RIPOR2: variants seen among roughly 807,000 people sequenced by gnomAD.
RIPOR2 encodes the protein RHO family interacting cell polarization regulator 2.
In RIPOR2, 39 loss-of-function variants were observed where a neutral mutation model predicts 114.5. The observed-to-expected ratio is 0.34, with a 90% CI of 0.26 to 0.44. RIPOR2 has a LOEUF of 0.44. RIPOR2 is among the 20% of genes least tolerant of loss of function. RIPOR2 has a pLI of 1.00. For missense variants in RIPOR2, 1,007 were observed against 1,255.1 expected (o/e 0.80, Z 2.99); for synonymous variants, 445 against 484.4 (o/e 0.92, Z 1.07).
chr6:24,911,674 A>G (rs1345379376), intron 1 of RIPOR2, among the ~76,000 whole-genome samples: 1 of 152,122 alleles, frequency 6.6e-6, no homozygotes, highest in East Asian at 1.9e-4. Context: ...CCTGTGGGGA[A>G]AGCATGGGTC....
At chr6:24,968,091 A>G (rs1405363376) in intron 1 of RIPOR2, among the ~76,000 whole-genome samples, 1 of 151,854 alleles carries the variant, frequency 6.6e-6, no homozygotes, top group Non-Finnish European at 1.5e-5. Flanking sequence ...TTTTTAATAG[A>G]GATGGGGTGT....
At chr6:24,932,875 C>A (rs899476245) in intron 1 of RIPOR2, among the ~76,000 whole-genome samples, 1 of 152,054 alleles carries the variant, frequency 6.6e-6, no homozygotes, top group Non-Finnish European at 1.5e-5. Context: ...TGAAAGTATG[C>A]GTGAATCCTA....
chr6:24,970,125 C>T (rs1482268949), intron 1 of RIPOR2, among the ~76,000 whole-genome samples: 4 of 148,766 alleles, frequency 2.7e-5, no homozygotes, highest in Admixed American at 2.0e-4. Flanking sequence ...CAGGGCTGAG[C>T]ACCTCATGGA....
chr6:24,936,014 C>T (rs1343127378), upstream of RIPOR2: 3 of 694,046 alleles, frequency 4.3e-6, no homozygotes, highest in Non-Finnish European at 7.5e-6. Context: ...TGGAGGGCAG[C>T]TTCCGCATCT....
At chr6:25,025,887 G>A (rs1776591208) in intron 1 of RIPOR2, among the ~76,000 whole-genome samples, 2 of 152,202 alleles carry the variant, frequency 1.3e-5, no homozygotes, top group African/African-American at 4.8e-5. Flanking sequence ...TTATGGGCTT[G>A]ACTGGAAGAC....
chr6:24,848,377 C>G (rs1251090506), intron 11 of RIPOR2, among the ~76,000 whole-genome samples: 2 of 152,176 alleles, frequency 1.3e-5, no homozygotes, highest in African/African-American at 4.8e-5. Context: ...AGAATATTAT[C>G]ACAGCTCTAA....
chr6:24,993,391 A>G (rs943886253), intron 1 of RIPOR2, among the ~76,000 whole-genome samples: 2 of 152,184 alleles, frequency 1.3e-5, no homozygotes, highest in African/African-American at 4.8e-5. Context: ...GTCTGAAATT[A>G]GGGTTGCAAT....
At chr6:24,836,809 T>TAC (rs10623077) in intron 14 of RIPOR2, among the ~76,000 whole-genome samples, 21,431 of 150,458 alleles carry the variant, frequency 0.14, 2,132 homozygotes, top group East Asian at 0.53. Flanking sequence ...ATATTTAAAA[T>TAC]ACACACACAC....
At chr6:25,009,379 T>C (rs1230449535) in intron 1 of RIPOR2, among the ~76,000 whole-genome samples, 3 of 152,248 alleles carry the variant, frequency 2.0e-5, no homozygotes, top group Admixed American at 6.5e-5. Flanking sequence ...AGTTGTTAAT[T>C]TGGTCGATTA....
intron 1 of RIPOR2, among the ~76,000 whole-genome samples, chr6:25,013,544 C>A (rs1581951326): frequency 6.6e-6 from 1 of 152,182 alleles, no homozygotes; most frequent in Admixed American, 6.5e-5. Flanking sequence ...ATCAGCTCTG[C>A]CAGTTTTACA....
intron 1 of RIPOR2, among the ~76,000 whole-genome samples, chr6:24,929,904 G>A (rs1771242908): frequency 6.6e-6 from 1 of 151,786 alleles, no homozygotes; most frequent in Admixed American, 6.6e-5. Flanking sequence ...TGAGAGGCTG[G>A]CTTTACAAAA....
intron 1 of RIPOR2, among the ~76,000 whole-genome samples, chr6:25,016,519 G>A (rs962888083): frequency 1.3e-5 from 2 of 152,154 alleles, no homozygotes; most frequent in Non-Finnish European, 1.5e-5. Flanking sequence ...TGACTTAATT[G>A]CTGCTGAAAC....
chr6:24,973,137 A>G (rs542265349), intron 1 of RIPOR2, among the ~76,000 whole-genome samples: 1 of 152,344 alleles, frequency 6.6e-6, no homozygotes, highest in South Asian at 2.1e-4. Context: ...ACATTTCTCC[A>G]AAAAACATAT....
rs142190494 is a variant in RIPOR2 at position 24,929,181 on chromosome 6, G to C, written c.61+6657C>G. 3.3e-3 allele frequency: 491 copies of C among 151,072 alleles called. 3 individuals carry two copies. Among genetic ancestry groups the C allele is most frequent in the African/African-American group, 0.011 (451 of 41,250 alleles). The allele number at this position is 151,072 out of a possible 1,614,324, so 9.4% of individuals were successfully genotyped here. ...CTTTCTCTTAAAAATATCTGAAAAG[G>C]ATAAACTAAATTGTTCTTTTTTTTT... On this transcript the variant is annotated intron_variant, in intron 1 of 21. Coordinates refer to ENST00000643898, the MANE Select transcript of RIPOR2 (RefSeq NM_001286445.3).
Position 25,006,432 on chromosome 6 carries a change from T to C in RIPOR2, c.76+35419A>G, listed in dbSNP as rs919807017. On this transcript the variant is annotated intron_variant, in intron 1 of 13. Coordinates refer to the RIPOR2 transcript ENST00000510784. ...ACTACTTTTTCTTTGAGGAATAAATTGTATTTGTCTTCAGGCCTTAAAGTC... is the reference window on the plus strand; with the variant it reads ...ACTACTTTTTCTTTGAGGAATAAATCGTATTTGTCTTCAGGCCTTAAAGTC... 2.6e-5 allele frequency among the ~76,000 whole-genome samples: 4 copies of C among 152,336 alleles called. No homozygotes were observed. The East Asian group carries it at 7.7e-4, about 29-fold the overall frequency.
chr6:24,954,472 T>TTTTTC, intron 1 of RIPOR2, among the ~76,000 whole-genome samples: 1 of 150,352 alleles, frequency 6.7e-6, no homozygotes, highest in Non-Finnish European at 1.5e-5. Flanking sequence ...TTTTTTTTTT[T>TTTTTC]TGAGACAGGG....
intron 1 of RIPOR2, among the ~76,000 whole-genome samples, chr6:24,986,703 A>G (rs1774543787): frequency 6.6e-6 from 1 of 152,178 alleles, no homozygotes; most frequent in East Asian, 1.9e-4. Context: ...AAAAATCTAA[A>G]CACAACTACC....
chr6:24,973,779 A>G (rs1351538642), intron 1 of RIPOR2, among the ~76,000 whole-genome samples: 1 of 152,130 alleles, frequency 6.6e-6, no homozygotes, highest in Non-Finnish European at 1.5e-5. Flanking sequence ...AAAGAATTAA[A>G]TCATGTCCTT....
intron 1 of RIPOR2, among the ~76,000 whole-genome samples, chr6:24,987,053 T>C (rs775571394): frequency 2.0e-4 from 30 of 152,286 alleles, no homozygotes; most frequent in African/African-American, 7.2e-4. Flanking sequence ...CTTTAGAGGA[T>C]AGAAGTAGAA....
Sources: allele counts gnomAD v4.1 joint callset (sites outside exome capture counted in the v4.1 genomes callset), GRCh38; gene constraint gnomAD v4.1.1; transcripts MANE v1.5; gene names NCBI Gene and HGNC (gene_info 2026-07-23, HGNC 2026-07-21).